The following SMIM14 variants were observed in gnomAD, a reference collection of about 807,000 sequenced individuals.
SMIM14 encodes chromosome 4 open reading frame 34.
SMIM14 carries 5 observed loss-of-function variants against 12.6 expected under a neutral mutation model. That is an observed-to-expected ratio of 0.40 (90% CI 0.21 to 0.83). The LOEUF (loss-of-function observed/expected upper bound fraction) is 0.83. SMIM14 is among the 40% of genes least tolerant of loss of function. The pLI is 0.37. For missense variants in SMIM14, 86 were observed against 119.1 expected (o/e 0.72, Z 1.29); for synonymous variants, 30 against 40.1 (o/e 0.75, Z 0.95).
rs1716207412 is a variant in SMIM14, at chr4:39,638,832, G to A, written c.-129C>T. On this transcript the variant is annotated 5_prime_UTR_variant, in exon 1 of 5. Transcript: ENST00000295958. ...CTGGAGCTTCCAGAAGGCTGCGGCT[G>A]CTCCGGACGCTGCTGCCACTGCCGT... 3 of 985,972 alleles carry A rather than the reference G, an allele frequency of 3.0e-6. No homozygotes were observed. Among genetic ancestry groups the A allele is most frequent in the East Asian group, 1.1e-4 (1 of 8,830 alleles). 61.1% of individuals were successfully genotyped at this position (985,972 alleles called of 1,614,324 possible).
intron 2 of SMIM14, among the ~76,000 whole-genome samples, chr4:39,587,447 G>T (rs1361761397): frequency 7.8e-6 from 1 of 127,952 alleles, no homozygotes; most frequent in Non-Finnish European, 1.5e-5. Flanking sequence ...CAGGAGCCAA[G>T]ATCGCGCCAC....
chr4:39,559,385 T>G, intron 3 of SMIM14, among the ~76,000 whole-genome samples: 1 of 104,254 alleles, frequency 9.6e-6, no homozygotes. Flanking sequence ...CAAGACCCTG[T>G]CAAAAAAAAA....
intron 2 of SMIM14, among the ~76,000 whole-genome samples, chr4:39,597,839 A>G (rs1247446299): frequency 6.6e-6 from 1 of 152,082 alleles, no homozygotes; most frequent in Non-Finnish European, 1.5e-5. Context: ...TTCTGCTCAC[A>G]TTAATGAAGG....
intron 1 of SMIM14, among the ~76,000 whole-genome samples, chr4:39,607,327 T>C (rs1714851506): frequency 1.3e-5 from 2 of 152,330 alleles, no homozygotes; most frequent in East Asian, 1.9e-4. Context: ...GCATTAGCCA[T>C]GGAAAACCAT....
At chr4:39,618,408 G>A (rs142544972) in intron 1 of SMIM14, among the ~76,000 whole-genome samples, 1 of 152,012 alleles carries the variant, frequency 6.6e-6, no homozygotes, top group Non-Finnish European at 1.5e-5. Flanking sequence ...CAGAGTATTG[G>A]GAGGCCGAGG....
At chr4:39,594,432 C>A (rs1424957930) in intron 2 of SMIM14, 1 of 151,724 alleles carries the variant, frequency 6.6e-6, no homozygotes, top group Non-Finnish European at 1.5e-5. Context: ...AAACGTTAGA[C>A]CTAAAACCAT....
At chr4:39,552,181 T>TTGATTCTCAAG in intron 4 of SMIM14, 23 bp from the exon 5 acceptor site, 1 of 1,556,212 alleles carries the variant, frequency 6.4e-7, no homozygotes, top group Non-Finnish European at 8.7e-7. Flanking sequence ...AGAAATAAAT[T>TTGATTCTCAAG]ATTTAATTGA....
At chr4:39,602,927 G>A (rs1190349838) in intron 2 of SMIM14, among the ~76,000 whole-genome samples, 6 of 152,064 alleles carry the variant, frequency 3.9e-5, no homozygotes, top group Non-Finnish European at 5.9e-5. Flanking sequence ...ATGTTTGTAC[G>A]TACCTTTATT....
At chr4:39,615,926 T>TA (rs1560305477) in intron 1 of SMIM14, among the ~76,000 whole-genome samples, 1 of 152,188 alleles carries the variant, frequency 6.6e-6, no homozygotes, top group East Asian at 1.9e-4. Context: ...ACTGAAAATT[T>TA]AAAAAACTAT....
At chr4:39,560,426 G>A (rs543929732) in intron 3 of SMIM14, among the ~76,000 whole-genome samples, 52 of 151,704 alleles carry the variant, frequency 3.4e-4, no homozygotes, top group Non-Finnish European at 5.2e-4. Context: ...CATCTGCCTT[G>A]GCCTCCGAAA....
intron 3 of SMIM14, among the ~76,000 whole-genome samples, chr4:39,569,243 C>T (rs948201722): frequency 6.6e-6 from 1 of 152,154 alleles, no homozygotes; most frequent in African/African-American, 2.4e-5. Context: ...GCATATATAT[C>T]ACCCAAATGG....
intron 1 of SMIM14, among the ~76,000 whole-genome samples, chr4:39,622,069 T>G (rs757862127): frequency 2.6e-5 from 4 of 152,068 alleles, no homozygotes; most frequent in Non-Finnish European, 5.9e-5. Flanking sequence ...ACATAGCAAA[T>G]GCACTTTTTT....
At chr4:39,621,759 C>G (rs1348455081) in intron 1 of SMIM14, among the ~76,000 whole-genome samples, 1 of 136,504 alleles carries the variant, frequency 7.3e-6, no homozygotes, top group Non-Finnish European at 1.5e-5. Context: ...GCAGAGCAAT[C>G]ATGACTCACT....
At position 39,558,271 on chromosome 4, in the gene SMIM14, T is replaced by C. The variant is rs926331279; in HGVS notation, c.125-1701A>G. ...GGAAGGCCAAGATGGGTGGATTGCT[T>C]GAGCTCAGGAATTCGAGACCAGCCT... On this transcript the variant is annotated intron_variant, in intron 3 of 4. Transcript: ENST00000295958. The surrounding 1 kb of genome is among the most constrained non-coding windows in gnomAD (Gnocchi z 4.3). Among the ~76,000 whole-genome samples, 8 of 152,334 alleles carry C rather than the reference T, an allele frequency of 5.3e-5. No homozygotes were observed. Among genetic ancestry groups the C allele is most frequent in the African/African-American group, 1.9e-4 (8 of 41,584 alleles).
At chr4:39,600,607 T>C (rs951315824) in intron 2 of SMIM14, among the ~76,000 whole-genome samples, 5 of 152,100 alleles carry the variant, frequency 3.3e-5, no homozygotes, top group South Asian at 4.1e-4. Context: ...GGAGAATCGC[T>C]TGAATGCAGG....
chr4:39,568,935 T>C (rs945574455), intron 3 of SMIM14, among the ~76,000 whole-genome samples: 1 of 152,154 alleles, frequency 6.6e-6, no homozygotes, highest in African/African-American at 2.4e-5. Context: ...TCACCTTTCT[T>C]TTTAGAGTTA....
intron 4 of SMIM14, among the ~76,000 whole-genome samples, chr4:39,554,210 T>A (rs894200260): frequency 3.3e-5 from 5 of 152,194 alleles, no homozygotes; most frequent in African/African-American, 1.2e-4. Context: ...TGGTGGCTCA[T>A]GCCTGTAATA....
intron 1 of SMIM14, chr4:39,612,251 T>C (rs1560303968): frequency 6.6e-6 from 1 of 152,180 alleles, no homozygotes; most frequent in Non-Finnish European, 1.5e-5. Flanking sequence ...AACTGTCTTT[T>C]CTTTTTTTGT....
intron 3 of SMIM14, among the ~76,000 whole-genome samples, chr4:39,565,073 C>T (rs1375647456): frequency 6.6e-6 from 1 of 152,056 alleles, no homozygotes; most frequent in Non-Finnish European, 1.5e-5. Flanking sequence ...ACAAAATCAG[C>T]CAAGTGTGGT....
Sources: allele counts gnomAD v4.1 joint callset (sites outside exome capture counted in the v4.1 genomes callset), GRCh38; gene constraint gnomAD v4.1.1; non-coding constraint Gnocchi (gnomAD v3.1); transcripts MANE v1.5; gene names NCBI Gene and HGNC (gene_info 2026-07-23, HGNC 2026-07-21).